PTPRT: variants seen among roughly 807,000 people sequenced by gnomAD.
The protein encoded by PTPRT is protein tyrosine phosphatase receptor type T, also known as receptor-type tyrosine-protein phosphatase T.
In PTPRT, 56 loss-of-function variants were observed where a neutral mutation model predicts 176.8. That is an observed-to-expected ratio of 0.32 (90% CI 0.26 to 0.40). The LOEUF (loss-of-function observed/expected upper bound fraction) is 0.40, where lower values mean the gene tolerates loss of function less well. Ranked by LOEUF, PTPRT falls within the 10% of genes least tolerant of loss-of-function variation. The pLI, the probability that PTPRT is intolerant of heterozygous loss-of-function variation, is 1.00. For synonymous variants in PTPRT, 783 were observed against 739.0 expected (o/e 1.06, Z -0.96); for missense variants, 1,540 against 1,908.2 (o/e 0.81, Z 3.60).
the PTPRT span, among the ~76,000 whole-genome samples, chr20:42,056,174 G>T: frequency 6.6e-6 from 1 of 152,158 alleles, no homozygotes; most frequent in Non-Finnish European, 1.5e-5. Flanking sequence ...AAGCCAATAA[G>T]GGTGTTTCTT....
intron 12 of PTPRT, among the ~76,000 whole-genome samples, chr20:42,285,510 G>GA: frequency 6.6e-6 from 1 of 152,032 alleles, no homozygotes; most frequent in Middle Eastern, 3.4e-3. Context: ...AGACATCTAA[G>GA]AATCTTTTCT....
intron 1 of PTPRT, among the ~76,000 whole-genome samples, chr20:43,095,215 C>A (rs2012079814): frequency 6.6e-6 from 1 of 152,100 alleles, no homozygotes; most frequent in Admixed American, 6.5e-5. Flanking sequence ...TCCTGAGTGC[C>A]ACTTGCAGGG....
At chr20:42,729,495 C>T (rs1235369927) in intron 6 of PTPRT, among the ~76,000 whole-genome samples, 1 of 152,234 alleles carries the variant, frequency 6.6e-6, no homozygotes, top group African/African-American at 2.4e-5. Flanking sequence ...ATTCCGTCAG[C>T]TCTCGCTGCA....
At chr20:42,989,418 A>G (rs537555208) in intron 1 of PTPRT, among the ~76,000 whole-genome samples, 18 of 152,362 alleles carry the variant, frequency 1.2e-4, no homozygotes, top group Admixed American at 9.1e-4. Flanking sequence ...GTATCACTTT[A>G]GCAGTTAGCC....
chr20:43,095,286 C>T (rs897316287), intron 1 of PTPRT, among the ~76,000 whole-genome samples: 4 of 152,112 alleles, frequency 2.6e-5, no homozygotes, highest in Non-Finnish European at 5.9e-5. Flanking sequence ...CTGTCACCTG[C>T]CATTAGTCAT....
chr20:42,152,807 CA>C (rs1022323006), intron 17 of PTPRT, among the ~76,000 whole-genome samples: 6 of 152,186 alleles, frequency 3.9e-5, no homozygotes, highest in Admixed American at 3.9e-4. Context: ...GGCAGACTGC[CA>C]GGGGCCATGA....
At chr20:43,040,928 G>A (rs1324799167) in intron 1 of PTPRT, among the ~76,000 whole-genome samples, 2 of 152,110 alleles carry the variant, frequency 1.3e-5, no homozygotes, top group African/African-American at 4.8e-5. Context: ...GGAACATTTA[G>A]CATTCTTTTG....
intron 6 of PTPRT, among the ~76,000 whole-genome samples, chr20:42,715,825 T>C (rs1210561480): frequency 6.6e-6 from 1 of 152,202 alleles, no homozygotes. Flanking sequence ...ATCCCAAAAG[T>C]ATTTTTTCTT....
intron 9 of PTPRT, among the ~76,000 whole-genome samples, chr20:42,366,368 G>A (rs6102811): frequency 6.6e-6 from 1 of 152,206 alleles, no homozygotes; most frequent in Non-Finnish European, 1.5e-5. Context: ...AGACTTGGGA[G>A]GTTGCTAACT....
chr20:42,685,396 G>A (rs148330244), intron 6 of PTPRT: 1 of 152,250 alleles, frequency 6.6e-6, no homozygotes, highest in African/African-American at 2.4e-5. Context: ...GCTACCACAA[G>A]ACCCTCCTTT....
At chr20:42,724,150 A>C (rs1408155148) in intron 6 of PTPRT, among the ~76,000 whole-genome samples, 1 of 152,228 alleles carries the variant, frequency 6.6e-6, no homozygotes, top group African/African-American at 2.4e-5. Flanking sequence ...AAAGCAATAA[A>C]ATCCTTGCCT....
intron 6 of PTPRT, among the ~76,000 whole-genome samples, chr20:42,694,102 G>A (rs1217039505): frequency 2.7e-5 from 4 of 149,572 alleles, no homozygotes; most frequent in Non-Finnish European, 5.9e-5. Context: ...GCAGCGGCGC[G>A]ATCTCAGCTC....
At chr20:42,223,361 G>A (rs1443956257) in intron 15 of PTPRT, among the ~76,000 whole-genome samples, 1 of 152,160 alleles carries the variant, frequency 6.6e-6, no homozygotes, top group African/African-American at 2.4e-5. Flanking sequence ...AGAGAACAGA[G>A]GCTCAGAGAA....
intron 1 of PTPRT, among the ~76,000 whole-genome samples, chr20:42,899,134 G>A (rs1261773593): frequency 6.6e-6 from 1 of 152,242 alleles, no homozygotes; most frequent in Non-Finnish European, 1.5e-5. Flanking sequence ...GGGGGCCCCA[G>A]CCCAGAGCTC....
At chr20:43,065,691 A>G (rs2011106570) in intron 1 of PTPRT, among the ~76,000 whole-genome samples, 1 of 152,214 alleles carries the variant, frequency 6.6e-6, no homozygotes, top group African/African-American at 2.4e-5. Context: ...GGGACCTCAC[A>G]TGAGGTGAGA....
At chr20:42,656,252 G>A (rs939679354) in intron 7 of PTPRT, among the ~76,000 whole-genome samples, 4 of 152,112 alleles carry the variant, frequency 2.6e-5, no homozygotes, top group African/African-American at 7.2e-5. Flanking sequence ...ATAGAGGGAT[G>A]GATGTGGGAG....
rs569744295 is a variant in PTPRT, at chr20:42,508,190, T to C, written c.1154-35628A>G. ...TTTCCATTTCCTTAATTTTGGCTTT[T>C]AGATATGCAAAAAAAAAAAGACTAA... On this transcript the variant is annotated intron_variant, in intron 7 of 30. Coordinates refer to ENST00000373187, the MANE Select transcript of PTPRT (RefSeq NM_007050.6). 3.4e-5 allele frequency among the ~76,000 whole-genome samples: 5 copies of C among 146,272 alleles called. No individual in the cohort carries two copies. In the South Asian group the frequency reaches 1.1e-3, roughly 31 times the overall value.
At chr20:42,620,385 T>C (rs562631250) in intron 7 of PTPRT, among the ~76,000 whole-genome samples, 1 of 149,634 alleles carries the variant, frequency 6.7e-6, no homozygotes, top group East Asian at 1.9e-4. Flanking sequence ...AGGTTACTGC[T>C]GTCTTTTTGT....
intron 5 of PTPRT, among the ~76,000 whole-genome samples, chr20:42,761,359 G>A (rs565412417): frequency 3.3e-5 from 5 of 152,078 alleles, no homozygotes; most frequent in East Asian, 1.9e-4. Flanking sequence ...GCTTCAACCC[G>A]GGAGGCGGAG....
Sources: allele counts gnomAD v4.1 joint callset (sites outside exome capture counted in the v4.1 genomes callset), GRCh38; gene constraint gnomAD v4.1.1; transcripts MANE v1.5; gene names NCBI Gene and HGNC (gene_info 2026-07-23, HGNC 2026-07-21).